NCS1: variants seen among roughly 807,000 people sequenced by gnomAD.
NCS1 encodes neuronal calcium sensor 1, also known as frequenin homolog.
In NCS1, 6 loss-of-function variants were observed where a neutral mutation model predicts 28.4. The ratio of observed to expected loss-of-function variants is 0.21; its 90% CI spans 0.12 to 0.42. The LOEUF is 0.42. NCS1 is among the 10% of genes least tolerant of loss of function. The pLI is 1.00. For synonymous variants in NCS1, 86 were observed against 99.3 expected (o/e 0.87, Z 0.79); for missense variants, 131 against 241.4 (o/e 0.54, Z 3.03).
chr9:130,197,079 A>T (rs1465999478), intron 1 of NCS1, among the ~76,000 whole-genome samples: 1 of 152,154 alleles, frequency 6.6e-6, no homozygotes, highest in African/African-American at 2.4e-5. Flanking sequence ...GACTCAGGTT[A>T]ATTATTTTTG....
At position 130,175,581 on chromosome 9, in the gene NCS1, C is replaced by T. The variant is rs1316139632; in HGVS notation, c.64+2854C>T. On this transcript the variant is annotated intron_variant, in intron 1 of 7. Coordinates refer to ENST00000372398, the MANE Select transcript of NCS1 (RefSeq NM_014286.4). The surrounding 1 kb of genome is among the most constrained non-coding windows in gnomAD (Gnocchi z 4.9). ...CCTAGCCCACCTCATGCATAGCTGG[C>T]CACAGTGCCAAGGGGGCCTAGAGGG... is the stretch of plus-strand genomic sequence containing the variant. Among the ~76,000 whole-genome samples the T allele has an allele frequency of 6.6e-6, 1 of 152,132 alleles. No individual in the cohort carries two copies. Among genetic ancestry groups the T allele is most frequent in the Non-Finnish European group, 1.5e-5 (1 of 68,020 alleles).
intron 2 of NCS1, among the ~76,000 whole-genome samples, chr9:130,212,212 T>A (rs1380864878): frequency 1.3e-5 from 2 of 152,146 alleles, no homozygotes; most frequent in Admixed American, 6.5e-5. Context: ...ATCTCCTGAA[T>A]AGCCGTTAGA....
intron 2 of NCS1, among the ~76,000 whole-genome samples, chr9:130,216,747 C>T (rs1164658658): frequency 4.0e-5 from 6 of 151,512 alleles, no homozygotes; most frequent in African/African-American, 1.5e-4. Flanking sequence ...CCTCGTAGTA[C>T]CTTCTCAGGG....
chr9:130,191,635 G>A lies in NCS1; in HGVS notation c.65-9323G>A, dbSNP rs782046068. On this transcript the variant is annotated intron_variant, in intron 1 of 7. Coordinates refer to ENST00000372398, the MANE Select transcript of NCS1 (RefSeq NM_014286.4). The surrounding 1 kb of genome is among the most constrained non-coding windows in gnomAD (Gnocchi z 6.4). ...TGAGACAGATACAGCAACAGCCCATGGCCCCCTGGGCTGTGTGAGACGCTA... is the reference window on the plus strand; with the variant it reads ...TGAGACAGATACAGCAACAGCCCATAGCCCCCTGGGCTGTGTGAGACGCTA... 6.6e-6 allele frequency among the ~76,000 whole-genome samples: 1 copy of A among 152,222 alleles called. No homozygotes were observed. Among genetic ancestry groups the A allele is most frequent in the Non-Finnish European group, 1.5e-5 (1 of 68,034 alleles).
intron 7 of NCS1, among the ~76,000 whole-genome samples, chr9:130,230,917 C>G (rs1833493271): frequency 6.6e-6 from 1 of 151,892 alleles, no homozygotes; most frequent in Admixed American, 6.6e-5. Flanking sequence ...AAAGCAAAAG[C>G]AATCAATAAT....
chr9:130,172,739 C>A lies in NCS1; in HGVS notation c.64+12C>A. On this transcript the variant is annotated intron_variant, in intron 1 of 7. Transcript: ENST00000372398. ...CAGGAAGACCTACTGTGAGTGCTCC[C>A]AGCCCCCAGCCCGCGCCCCGCGGTC... 1 of 1,471,336 alleles carries A rather than the reference C, an allele frequency of 6.8e-7. No homozygotes were observed. The highest frequency in any genetic ancestry group is 1.3e-5 in the South Asian group (1 of 78,330). 91.1% of individuals were successfully genotyped at this position (1,471,336 alleles called of 1,614,324 possible). A position where few individuals can be genotyped will look rare whatever the true frequency, so the allele number is the denominator to read the frequency against.
At chr9:130,227,022 C>CAAAAAA (rs782338218) in intron 7 of NCS1, among the ~76,000 whole-genome samples, 3 of 42,662 alleles carry the variant, frequency 7.0e-5, no homozygotes, top group Non-Finnish European at 1.4e-4. Context: ...GACTCCATCT[C>CAAAAAA]AAAAAAAAAA....
rs1554910750 is a variant in NCS1 at position 130,222,713 on chromosome 9, T to C, written c.371T>C (p.Ile124Thr). The change falls in exon 5 of 8, where the codon ATT becomes ACT. Residue 124 changes from isoleucine (I) to threonine (T), a missense_variant. Transcript: ENST00000372398. ...GYITRNEMLDIVDAIYQMVGN... is the reference protein window; with the variant it reads ...GYITRNEMLDTVDAIYQMVGN... ...ATCACCAGGAATGAGATGCTGGACA[T>C]TGTGGATGCCATTTACCAGATGGTG... 1.2e-6 allele frequency: 2 copies of C among 1,613,480 alleles called. No individual in the cohort carries two copies. The highest frequency in any genetic ancestry group is 1.7e-6 in the Non-Finnish European group (2 of 1,179,740).
intron 1 of NCS1, among the ~76,000 whole-genome samples, chr9:130,190,961 C>T (rs1832809095): frequency 6.6e-6 from 1 of 152,190 alleles, no homozygotes; most frequent in East Asian, 1.9e-4. Flanking sequence ...TCTCCTGGCT[C>T]CACTTCCTGC....
rs71387331 is a variant in NCS1 at position 130,209,001 on chromosome 9, T to TG, written c.89+8025dup. On this transcript the variant is annotated intron_variant, in intron 2 of 7. Coordinates refer to ENST00000372398, the MANE Select transcript of NCS1 (RefSeq NM_014286.4). This position sits in a 1 kb window ranked among gnomAD's most constrained non-coding sequence, Gnocchi z 4.4. ...GGAAACCTGTAAAACCGGAGGCTAC[T>TG]GGGGGGAAGGGAAAGGAAGAGGAAC... Among the ~76,000 whole-genome samples the TG allele has an allele frequency of 9.1e-4, 139 of 152,124 alleles. No individual in the cohort carries two copies. The highest frequency in any genetic ancestry group is 1.5e-3 in the Non-Finnish European group (103 of 67,982).
chr9:130,209,132 G>A lies in NCS1; in HGVS notation c.89+8150G>A, dbSNP rs1420945511. On this transcript the variant is annotated intron_variant, in intron 2 of 7. Transcript: ENST00000372398. The surrounding 1 kb of genome is among the most constrained non-coding windows in gnomAD (Gnocchi z 4.4). ...AGAGATAATGGGAGAATAATTTGCC[G>A]AGGCTGCCGCTGCGCCCATCCCCGC... Among the ~76,000 whole-genome samples the A allele has an allele frequency of 5.3e-5, 8 of 152,188 alleles. No homozygotes were observed. The highest frequency in any genetic ancestry group is 3.8e-4 in the East Asian group (2 of 5,196).
Position 130,209,862 on chromosome 9 carries a change from C to T in NCS1, c.90-7970C>T, listed in dbSNP as rs1271550515. 6.6e-6 allele frequency among the ~76,000 whole-genome samples: 1 copy of T among 152,158 alleles called. No individual in the cohort carries two copies. The highest frequency in any genetic ancestry group is 2.4e-5 in the African/African-American group (1 of 41,452). ...TCAACCATATCAGAAACCTCGGCTT[C>T]CCGTGGCTGGGGATCGCAGGCCCCG... is the stretch of plus-strand genomic sequence containing the variant. On this transcript the variant is annotated intron_variant, in intron 2 of 7. Coordinates refer to ENST00000372398, the MANE Select transcript of NCS1 (RefSeq NM_014286.4). This position sits in a 1 kb window ranked among gnomAD's most constrained non-coding sequence, Gnocchi z 4.4.
chr9:130,202,470 G>T lies in NCS1; in HGVS notation c.89+1488G>T, dbSNP rs538393458. ...TTTTGTCCCTCTCTGCATCCTGTCG[G>T]CACTCTGAGGGCTGGCTAGCTTGGC... is the stretch of plus-strand genomic sequence containing the variant. On this transcript the variant is annotated intron_variant, in intron 2 of 7. Coordinates refer to ENST00000372398, the MANE Select transcript of NCS1 (RefSeq NM_014286.4). Among the ~76,000 whole-genome samples, 100 of 151,916 alleles carry T rather than the reference G, an allele frequency of 6.6e-4. 1 individual carries two copies. Among genetic ancestry groups the T allele is most frequent in the African/African-American group, 2.3e-3 (97 of 41,432 alleles).
At position 130,179,855 on chromosome 9, in the gene NCS1, G is replaced by A. The variant is rs953962169; in HGVS notation, c.64+7128G>A. On this transcript the variant is annotated intron_variant, in intron 1 of 7. Coordinates refer to ENST00000372398, the MANE Select transcript of NCS1 (RefSeq NM_014286.4). ...CTCATTTTACAAGTAGGCAAATTAA[G>A]CGCCAGAAAGGTGAAGCATCTTCCC... Among the ~76,000 whole-genome samples the A allele has an allele frequency of 5.3e-5, 8 of 152,162 alleles. No individual in the cohort carries two copies. In the East Asian group the frequency reaches 1.5e-3, roughly 29 times the overall value.
intron 2 of NCS1, among the ~76,000 whole-genome samples, chr9:130,206,278 C>T (rs1833022665): frequency 6.6e-6 from 1 of 152,218 alleles, no homozygotes; most frequent in South Asian, 2.1e-4. Flanking sequence ...CCCCTCTGTC[C>T]TTTGCACAGA....
chr9:130,172,741 G>T lies in NCS1; in HGVS notation c.64+14G>T, dbSNP rs1564699689. ...GGAAGACCTACTGTGAGTGCTCCCA[G>T]CCCCCAGCCCGCGCCCCGCGGTCAC... On this transcript the variant is annotated intron_variant, in intron 1 of 7. Coordinates refer to ENST00000372398, the MANE Select transcript of NCS1 (RefSeq NM_014286.4). The T allele has an allele frequency of 1.4e-6, 2 of 1,459,836 alleles. No individual in the cohort carries two copies. The highest frequency in any genetic ancestry group is 2.6e-5 in the South Asian group (2 of 78,118). 90.4% of individuals were successfully genotyped at this position (1,459,836 alleles called of 1,614,324 possible). A position where few individuals can be genotyped will look rare whatever the true frequency, so the allele number is the denominator to read the frequency against.
chr9:130,213,095 G>A (rs1833134099), intron 2 of NCS1, among the ~76,000 whole-genome samples: 1 of 152,196 alleles, frequency 6.6e-6, no homozygotes, highest in South Asian at 2.1e-4. Context: ...GCTTACACGG[G>A]GGCGGTGCAG....
chr9:130,194,686 CT>C (rs1554906620), intron 1 of NCS1, among the ~76,000 whole-genome samples: 2 of 152,182 alleles, frequency 1.3e-5, no homozygotes, highest in Non-Finnish European at 2.9e-5. Flanking sequence ...TCAAGTGGCC[CT>C]GACAGGATGG....
rs1832740628 is a variant in NCS1, at chr9:130,186,564, G to C, written c.64+13837G>C. On this transcript the variant is annotated intron_variant, in intron 1 of 7. Transcript: ENST00000372398. The surrounding 1 kb of genome is among the most constrained non-coding windows in gnomAD (Gnocchi z 4.1). Reference sequence around the variant, plus strand: ...CAGGCAGCAGGAACAGCATGTTCCAGGTCAGTCCTCACCTTCCAGGGCTCC... The same window carrying C: ...CAGGCAGCAGGAACAGCATGTTCCACGTCAGTCCTCACCTTCCAGGGCTCC... Among the ~76,000 whole-genome samples, 1 of 151,990 alleles carries C rather than the reference G, an allele frequency of 6.6e-6. No homozygotes were observed. The highest frequency in any genetic ancestry group is 2.4e-5 in the African/African-American group (1 of 41,268).
Sources: allele counts gnomAD v4.1 joint callset (sites outside exome capture counted in the v4.1 genomes callset), GRCh38; gene constraint gnomAD v4.1.1; non-coding constraint Gnocchi (gnomAD v3.1); transcripts MANE v1.5; gene names NCBI Gene and HGNC (gene_info 2026-07-23, HGNC 2026-07-21).